Variants in PNPLA7 observed in about 807,000 individuals in gnomAD.
The protein encoded by PNPLA7 is patatin like domain 7, lysophospholipase.
In PNPLA7, 153 loss-of-function variants were observed where a neutral mutation model predicts 161.7. The ratio of observed to expected loss-of-function variants is 0.95; its 90% CI spans 0.83 to 1.08. The LOEUF is 1.08. Ranked by LOEUF, PNPLA7 falls within the 50% of genes least tolerant of loss-of-function variation. The pLI, the probability that PNPLA7 is intolerant of heterozygous loss-of-function variation, is 0.00. For missense variants in PNPLA7, 1,739 were observed against 1,856.6 expected, an observed-to-expected ratio of 0.94 and a Z score of 1.16; for synonymous variants, 809 against 782.1, an observed-to-expected ratio of 1.03 and a Z score of -0.57.
chr9:137,539,889 G>A (rs1020095748), intron 8 of PNPLA7, among the ~76,000 whole-genome samples: 6 of 152,030 alleles, frequency 3.9e-5, no homozygotes, highest in African/African-American at 1.4e-4. Context: ...GGGTTCATGC[G>A]ATTCTCCTGC....
chr9:137,481,054 G>A, intron 21 of PNPLA7, 31 bp from the exon 22 acceptor site: 1 of 1,550,174 alleles, frequency 6.5e-7, no homozygotes, highest in Non-Finnish European at 8.7e-7. Context: ...AACGGAGCCT[G>A]CCTGGGCAGC....
chr9:137,507,143 A>G (rs1784880839), intron 12 of PNPLA7, among the ~76,000 whole-genome samples: 1 of 152,228 alleles, frequency 6.6e-6, no homozygotes, highest in African/African-American at 2.4e-5. Context: ...GGTTTCACGG[A>G]GCTGGCACCC....
At chr9:137,525,535 G>A (rs1427147029) in intron 8 of PNPLA7, among the ~76,000 whole-genome samples, 1 of 152,194 alleles carries the variant, frequency 6.6e-6, no homozygotes, top group Non-Finnish European at 1.5e-5. Context: ...GGTAGCCGAG[G>A]CGGAGAGAGA....
At position 137,467,309 on chromosome 9, in the gene PNPLA7, C is replaced by T. The variant is rs374358599; in HGVS notation, c.3039+8G>A. 104 of 1,610,304 alleles carry T rather than the reference C, an allele frequency of 6.5e-5. No individual in the cohort carries two copies. Among genetic ancestry groups the T allele is most frequent in the Non-Finnish European group, 8.0e-5 (94 of 1,178,386 alleles). On this transcript the variant is annotated splice_region_variant and intron_variant, in intron 26 of 34. Transcript: ENST00000406427. This position sits in a 1 kb window ranked among gnomAD's most constrained non-coding sequence, Gnocchi z 5.1. ...GTGCTCCGGTGAGGGTGATGGGTGC[C>T]TGCTTACCTCGGCCCACTGCTTGGC...
At chr9:137,529,286 C>T (rs542349688) in intron 8 of PNPLA7, among the ~76,000 whole-genome samples, 2 of 152,338 alleles carry the variant, frequency 1.3e-5, no homozygotes, top group Admixed American at 6.5e-5. Flanking sequence ...TGAGTCACTT[C>T]GCCCAGGCCA....
intron 14 of PNPLA7, among the ~76,000 whole-genome samples, chr9:137,502,712 C>CGGGGGGGACGGGGGGGCGG (rs1392067298): frequency 1.2e-4 from 1 of 8,212 alleles, no homozygotes; most frequent in East Asian, 4.8e-3. Context: ...GCGGGGGACG[C>CGGGGGGGACGGGGGGGCGG]GGGGGACGCG....
At position 137,490,839 on chromosome 9, in the gene PNPLA7, G is replaced by C. The variant is rs1260210608; in HGVS notation, c.2197+2174C>G. ...CGAAAGTTGTAGCCCTGTGTTTTTG[G>C]GGCTACAGTTTGACAAAATTACAGA... On this transcript the variant is annotated intron_variant, in intron 20 of 34. Transcript: ENST00000406427. This position sits in a 1 kb window ranked among gnomAD's most constrained non-coding sequence, Gnocchi z 4.1. Among the ~76,000 whole-genome samples the C allele has an allele frequency of 6.6e-6, 1 of 152,120 alleles. No individual in the cohort carries two copies. The highest frequency in any genetic ancestry group is 1.9e-4 in the East Asian group (1 of 5,200).
At chr9:137,492,659 G>A (rs1400012249) in intron 20 of PNPLA7, among the ~76,000 whole-genome samples, 2 of 147,730 alleles carry the variant, frequency 1.4e-5, no homozygotes, top group Non-Finnish European at 3.0e-5. Flanking sequence ...ACAGGGCAGG[G>A]CCATGGTCTG....
chr9:137,470,742 A>T (rs1831668011), intron 25 of PNPLA7, among the ~76,000 whole-genome samples: 1 of 152,224 alleles, frequency 6.6e-6, no homozygotes, highest in South Asian at 2.1e-4. Context: ...TACAAACAGG[A>T]TAACTTTAAC....
At position 137,462,824 on chromosome 9, in the gene PNPLA7, G is replaced by T. The variant is rs1297691136; in HGVS notation, c.3353C>A (p.Ala1118Asp). ...GYINNLPADV[A>D]RSMGAKVVIA... The stretch of plus-strand genomic sequence containing the variant: ...CACCACTTTTGCCCCCATGGACCGG[G>T]CCACATCCGCTAGGGAGAAGCCAGC... Residue 1118 changes from alanine (A) to aspartate (D), a missense_variant, in exon 30 of 35, where the codon GCC becomes GAC. Coordinates refer to ENST00000406427, the MANE Select transcript of PNPLA7 (RefSeq NM_001098537.3). The T allele has an allele frequency of 8.1e-6, 13 of 1,613,676 alleles. No homozygotes were observed. The highest frequency in any genetic ancestry group is 1.1e-5 in the Non-Finnish European group (13 of 1,179,942).
At position 137,497,169 on chromosome 9, in the gene PNPLA7, G is replaced by A; in HGVS notation, c.2013+18C>T. The A allele has an allele frequency of 6.5e-7, 1 of 1,537,398 alleles. No homozygotes were observed. The highest frequency in any genetic ancestry group is 2.5e-5 in the East Asian group (1 of 40,010). On this transcript the variant is annotated intron_variant, in intron 18 of 34. Coordinates refer to ENST00000406427, the MANE Select transcript of PNPLA7 (RefSeq NM_001098537.3). Reference sequence around the variant, plus strand: ...GGATGCAGAGGTGGGGGAGGCAGGAGCAGGGCCCAGCACCTACCACGCCGA... The same window carrying A: ...GGATGCAGAGGTGGGGGAGGCAGGAACAGGGCCCAGCACCTACCACGCCGA...
chr9:137,463,741 G>A (rs548166945), intron 28 of PNPLA7, among the ~76,000 whole-genome samples: 1 of 152,224 alleles, frequency 6.6e-6, no homozygotes, highest in East Asian at 1.9e-4. Context: ...ACTTCGAACT[G>A]CTGTGACCCC....
chr9:137,498,136 C>G lies in PNPLA7; in HGVS notation c.1867G>C (p.Glu623Gln), dbSNP rs777525556. 6.2e-7 allele frequency: 1 copy of G among 1,613,078 alleles called. No individual in the cohort carries two copies. Among genetic ancestry groups the G allele is most frequent in the South Asian group, 1.1e-5 (1 of 91,084 alleles). ...CACCTGTATATTGCTCGCCCGGCCT[C>G]CACCTCCACCCAGTCCAGGGCAAAG... Reference protein sequence around the residue: ...IDFALDWVEVEAGRAIYRQGD... With the variant: ...IDFALDWVEVQAGRAIYRQGD... The change falls in exon 17 of 35, where the codon GAG (glutamate) becomes CAG (glutamine). Residue 623 changes from glutamate (E) to glutamine (Q), a missense_variant. Physicochemically the swap from Glu to Gln is conservative, Grantham distance 29. Coordinates refer to ENST00000406427, the MANE Select transcript of PNPLA7 (RefSeq NM_001098537.3).
chr9:137,464,316 G>A (rs966756645), intron 27 of PNPLA7, 24 bp downstream of exon 27: 1 of 1,609,012 alleles, frequency 6.2e-7, no homozygotes, highest in Non-Finnish European at 8.5e-7. Flanking sequence ...GGGGCTGCAT[G>A]GGCTCCTGAG....
rs746142720 is a variant in PNPLA7, at chr9:137,547,409, G to A, written c.106-13C>T. On this transcript the variant is annotated splice_polypyrimidine_tract_variant and intron_variant, in intron 2 of 34. Transcript: ENST00000406427. This position sits in a 1 kb window ranked among gnomAD's most constrained non-coding sequence, Gnocchi z 4.6. ...CAATCCCCGTCAGCTGGCCGAGAGT[G>A]GAAACACGGCGCCCATCAGCAAAGC... The A allele has an allele frequency of 1.2e-6, 2 of 1,613,078 alleles. No individual in the cohort carries two copies. The highest frequency in any genetic ancestry group is 1.1e-5 in the South Asian group (1 of 91,078).
At chr9:137,518,018 T>TCACG (rs1175717272) in intron 11 of PNPLA7, among the ~76,000 whole-genome samples, 1 of 104,786 alleles carries the variant, frequency 9.5e-6, no homozygotes, top group Admixed American at 1.0e-4. Context: ...CATCCCCCAC[T>TCACG]CACTCACTCG....
intron 11 of PNPLA7, among the ~76,000 whole-genome samples, chr9:137,518,131 C>G (rs555616038): frequency 8.7e-6 from 1 of 114,968 alleles, no homozygotes; most frequent in Admixed American, 8.1e-5. Flanking sequence ...ACTCACTCCA[C>G]TCTGTCCACT....
intron 1 of PNPLA7, among the ~76,000 whole-genome samples, chr9:137,548,094 A>C (rs938845696): frequency 2.0e-5 from 3 of 152,156 alleles, no homozygotes; most frequent in Admixed American, 6.5e-5. Context: ...CCAAACAAGG[A>C]GGCAGCGGCC....
chr9:137,470,261 C>T lies in PNPLA7; in HGVS notation c.2883-2788G>A, dbSNP rs147683416. Among the ~76,000 whole-genome samples the T allele has an allele frequency of 9.7e-4, 147 of 152,314 alleles. 1 individual carries two copies. In the East Asian group the frequency reaches 0.022, roughly 23 times the overall value. ...GAACTCTCGGGCTCAAGAAATCCTC[C>T]CTCCTTGGCCTCCCAAAGTGCTGGG... On this transcript the variant is annotated intron_variant, in intron 25 of 34. Coordinates refer to ENST00000406427, the MANE Select transcript of PNPLA7 (RefSeq NM_001098537.3).
Sources: allele counts gnomAD v4.1 joint callset (sites outside exome capture counted in the v4.1 genomes callset), GRCh38; gene constraint gnomAD v4.1.1; non-coding constraint Gnocchi (gnomAD v3.1); transcripts MANE v1.5; gene names NCBI Gene and HGNC (gene_info 2026-07-23, HGNC 2026-07-21).